Variants in STK3 observed in about 807,000 individuals in gnomAD.
The protein encoded by STK3 is serine/threonine-protein kinase 3.
A neutral mutation model predicts 58.0 loss-of-function variants in STK3; 41 were observed. That is an observed-to-expected ratio of 0.71 (90% CI 0.55 to 0.92). The LOEUF (loss-of-function observed/expected upper bound fraction) is 0.92. Among genes scored for constraint, STK3 ranks in the 40% least tolerant of loss-of-function variants. STK3 has a pLI of 0.00. For synonymous variants in STK3, 170 were observed against 191.0 expected (o/e 0.89, Z 0.91); for missense variants, 479 against 602.7 (o/e 0.79, Z 2.15).
chr8:98,442,187 C>T (rs1003035072), intron 1 of STK3, among the ~76,000 whole-genome samples: 1 of 152,220 alleles, frequency 6.6e-6, no homozygotes, highest in South Asian at 2.1e-4. Context: ...CCTCTCTTCT[C>T]TAACACCACT....
chr8:98,543,971 G>C (rs1341669435), intron 9 of STK3, among the ~76,000 whole-genome samples: 4 of 152,150 alleles, frequency 2.6e-5, no homozygotes, highest in African/African-American at 4.8e-5. Flanking sequence ...GTGGAGTTTA[G>C]AATATAAGAG....
intron 3 of STK3, among the ~76,000 whole-genome samples, chr8:98,866,566 C>T (rs192668819): frequency 4.3e-4 from 65 of 152,248 alleles, no homozygotes; most frequent in Admixed American, 5.2e-4. Context: ...TGAGTAGGAA[C>T]GCTGGAAAGA....
intron 10 of STK3, among the ~76,000 whole-genome samples, chr8:98,494,747 C>A (rs1306729565): frequency 6.8e-6 from 1 of 146,788 alleles, no homozygotes; most frequent in African/African-American, 2.5e-5. Context: ...GGAAACCAAT[C>A]TTAAACAGTG....
At chr8:98,471,548 AT>A (rs1180779278) in intron 10 of STK3, among the ~76,000 whole-genome samples, 5 of 152,070 alleles carry the variant, frequency 3.3e-5, no homozygotes, top group African/African-American at 1.2e-4. Context: ...CGCAAAGCCT[AT>A]TTTATAATAA....
At chr8:98,686,524 T>A (rs1383158735) in intron 6 of STK3, among the ~76,000 whole-genome samples, 1 of 152,158 alleles carries the variant, frequency 6.6e-6, no homozygotes, top group Non-Finnish European at 1.5e-5. Context: ...GCTAAAAGAT[T>A]CATTAAAAAT....
chr8:98,689,104 G>A (rs1202753873), intron 6 of STK3, among the ~76,000 whole-genome samples: 1 of 152,128 alleles, frequency 6.6e-6, no homozygotes, highest in Non-Finnish European at 1.5e-5. Flanking sequence ...AAATACAGCA[G>A]ATGTTCAGAG....
chr8:98,923,559 T>C (rs1839653715), intron 1 of STK3, among the ~76,000 whole-genome samples: 1 of 152,164 alleles, frequency 6.6e-6, no homozygotes, highest in Non-Finnish European at 1.5e-5. Flanking sequence ...CTAGCACTAC[T>C]TGTGAACATG....
At chr8:98,629,943 C>T (rs894926545) in intron 6 of STK3, among the ~76,000 whole-genome samples, 11 of 152,118 alleles carry the variant, frequency 7.2e-5, no homozygotes, top group Admixed American at 5.2e-4. Context: ...CTAATAATCA[C>T]GCCAGGGCCA....
intron 1 of STK3, among the ~76,000 whole-genome samples, chr8:98,792,235 T>C (rs1250515476): frequency 6.6e-6 from 1 of 152,056 alleles, no homozygotes; most frequent in Non-Finnish European, 1.5e-5. Flanking sequence ...GATCAAGAAA[T>C]GCAAATCAAA....
At chr8:98,936,827 T>C (rs1406099396) in intron 1 of STK3, among the ~76,000 whole-genome samples, 1 of 152,186 alleles carries the variant, frequency 6.6e-6, no homozygotes, top group Non-Finnish European at 1.5e-5. Flanking sequence ...TCTGACATCA[T>C]AGCATCCACC....
At chr8:98,531,477 T>C (rs1319099227) in intron 9 of STK3, among the ~76,000 whole-genome samples, 2 of 152,242 alleles carry the variant, frequency 1.3e-5, no homozygotes, top group Non-Finnish European at 2.9e-5. Flanking sequence ...ACAAATGTGC[T>C]GCCATCCAGG....
intron 2 of STK3, among the ~76,000 whole-genome samples, chr8:98,767,631 C>G (rs940922333): frequency 1.3e-5 from 2 of 152,072 alleles, no homozygotes; most frequent in African/African-American, 4.8e-5. Context: ...AACAGACTTG[C>G]GTTTGGTCAA....
At chr8:98,502,494 G>C (rs1157769869) in intron 10 of STK3, among the ~76,000 whole-genome samples, 1 of 152,204 alleles carries the variant, frequency 6.6e-6, no homozygotes, top group Non-Finnish European at 1.5e-5. Context: ...AGTTTTCAAA[G>C]GGAATGCTTC....
chr8:98,667,226 CAG>C (rs1822431891), intron 6 of STK3, among the ~76,000 whole-genome samples: 2 of 152,098 alleles, frequency 1.3e-5, no homozygotes, highest in Admixed American at 1.3e-4. Flanking sequence ...CAAACTCTGA[CAG>C]ATGTTTTATA....
At chr8:98,636,948 C>T (rs971552443) in intron 6 of STK3, among the ~76,000 whole-genome samples, 1 of 151,918 alleles carries the variant, frequency 6.6e-6, no homozygotes, top group Admixed American at 6.6e-5. Flanking sequence ...AAATAATATG[C>T]CAAGTTCCTG....
downstream of STK3, among the ~76,000 whole-genome samples, chr8:98,450,711 T>C (rs968060217): frequency 6.6e-6 from 1 of 152,222 alleles, no homozygotes; most frequent in African/African-American, 2.4e-5. Flanking sequence ...GTACGACTCA[T>C]CTTGGAAGCT....
At chr8:98,694,941 G>A (rs901444635) in intron 6 of STK3, among the ~76,000 whole-genome samples, 22 of 152,140 alleles carry the variant, frequency 1.4e-4, no homozygotes, top group African/African-American at 4.1e-4. Flanking sequence ...CTTCCACAAT[G>A]GTTGAACTAG....
intron 4 of STK3, among the ~76,000 whole-genome samples, chr8:98,738,808 C>T (rs1392749184): frequency 6.6e-6 from 1 of 152,166 alleles, no homozygotes; most frequent in East Asian, 1.9e-4. Context: ...TCGGGAAGCG[C>T]AAGGGGTTCA....
chr8:98,601,351 C>T (rs1816332776), intron 6 of STK3, among the ~76,000 whole-genome samples: 1 of 152,120 alleles, frequency 6.6e-6, no homozygotes, highest in South Asian at 2.1e-4. Context: ...AACCATCTTT[C>T]AAGACTGAAA....
Sources: allele counts gnomAD v4.1 joint callset (sites outside exome capture counted in the v4.1 genomes callset), GRCh38; gene constraint gnomAD v4.1.1; transcripts MANE v1.5; gene names NCBI Gene and HGNC (gene_info 2026-07-23, HGNC 2026-07-21).